The following GRIP1 variants were observed in gnomAD, a reference collection of about 807,000 sequenced individuals.
GRIP1 encodes the protein glutamate receptor-interacting protein 1.
GRIP1 carries 45 observed loss-of-function variants against 129.9 expected under a neutral mutation model. The observed-to-expected ratio is 0.35, with a 90% CI of 0.27 to 0.44. The LOEUF (loss-of-function observed/expected upper bound fraction) is 0.44. GRIP1 is among the 20% of genes least tolerant of loss of function. The probability of loss-of-function intolerance (pLI) is 1.00; values close to 1 mark genes in which losing one functional copy is unlikely to be tolerated. For missense variants in GRIP1, 1,196 were observed against 1,396.8 expected (o/e 0.86, Z 2.29); for synonymous variants, 530 against 520.8 (o/e 1.02, Z -0.24).
At chr12:66,402,487 G>A (rs574574794) in intron 16 of GRIP1, among the ~76,000 whole-genome samples, 2 of 152,282 alleles carry the variant, frequency 1.3e-5, no homozygotes, top group Admixed American at 1.3e-4. Flanking sequence ...CGAGACTTGG[G>A]AAGCTGGAAG....
In GRIP1 at chr12:66,392,690, C is replaced by A; in HGVS notation, c.2256G>T (p.Lys752Asn). 1 of 1,614,108 alleles carries A rather than the reference C, an allele frequency of 6.2e-7. No individual in the cohort carries two copies. Among genetic ancestry groups the A allele is most frequent in the Non-Finnish European group, 8.5e-7 (1 of 1,179,990 alleles). Residue 752 changes from lysine (K) to asparagine (N), a missense_variant, in exon 18 of 25, where the codon AAG (lysine) becomes AAT (asparagine). By Grantham distance (94) the Lys-to-Asn change is moderately conservative (BLOSUM62 0). This residue lies in a region of GRIP1 where 427 missense variants were observed against 463.3 expected (regional missense o/e 0.92). Coordinates refer to ENST00000359742, the MANE Select transcript of GRIP1 (RefSeq NM_001366722.1). Reference protein sequence around the residue: ...MAGETVTLKIKKQTDAQSASS... With the variant: ...MAGETVTLKINKQTDAQSASS... ...TTCACTACTCACCATCTGTCTGTTT[C>A]TTAATTTTCAAGGTGACAGTCTCTC...
chr12:66,574,536 A>G (rs2063073042), intron 2 of GRIP1, among the ~76,000 whole-genome samples: 1 of 152,224 alleles, frequency 6.6e-6, no homozygotes, highest in Non-Finnish European at 1.5e-5. Flanking sequence ...GACATGGCCT[A>G]CAGGTCTACC....
intron 1 of GRIP1, among the ~76,000 whole-genome samples, chr12:66,971,610 G>C (rs962615293): frequency 5.9e-5 from 9 of 152,286 alleles, no homozygotes; most frequent in South Asian, 2.1e-4. Context: ...TTATATTCTA[G>C]TGAGGGAGAC....
intron 1 of GRIP1, among the ~76,000 whole-genome samples, chr12:67,036,573 T>C (rs811800): frequency 0.68 from 103,123 of 151,924 alleles, 35,354 homozygotes; most frequent in East Asian, 0.86. Flanking sequence ...TCAAGTGATC[T>C]GCCTGCCTCT....
At chr12:66,362,295 G>C (rs1252156162) in intron 23 of GRIP1, among the ~76,000 whole-genome samples, 2 of 151,412 alleles carry the variant, frequency 1.3e-5, no homozygotes, top group Admixed American at 6.6e-5. Flanking sequence ...CTGGGATTAC[G>C]GGCCTGCACC....
At chr12:66,804,119 G>A (rs2038934005) in exon 1 of GRIP1, 1 of 455,712 alleles carries the variant, frequency 2.2e-6, no homozygotes, top group East Asian at 6.9e-5. Context: ...TCTTCTGGTC[G>A]GTACTTTTTC....
At chr12:67,042,267 T>C (rs1322909401) in intron 1 of GRIP1, among the ~76,000 whole-genome samples, 6 of 152,156 alleles carry the variant, frequency 3.9e-5, no homozygotes, top group Admixed American at 3.9e-4. Flanking sequence ...GATTCTGTCA[T>C]AGCAACAGAA....
At chr12:66,767,867 T>C (rs11176419) in intron 1 of GRIP1, among the ~76,000 whole-genome samples, 12,377 of 152,234 alleles carry the variant, frequency 0.081, 640 homozygotes, top group Admixed American at 0.16. Flanking sequence ...GTTCTTCCCC[T>C]TTTGAACAAC....
chr12:66,817,579 T>C (rs980273252), intron 1 of GRIP1, among the ~76,000 whole-genome samples: 8 of 151,768 alleles, frequency 5.3e-5, no homozygotes, highest in African/African-American at 1.9e-4. Context: ...CTGGCTAATT[T>C]TGTATTTTTA....
chr12:66,723,304 C>CTT (rs57938064), intron 1 of GRIP1, among the ~76,000 whole-genome samples: 9 of 58,408 alleles, frequency 1.5e-4, no homozygotes, highest in East Asian at 6.0e-4. Context: ...TTCTTTCTTT[C>CTT]TTTTTTTTTT....
chr12:66,824,735 C>T (rs1223219085), intron 1 of GRIP1, among the ~76,000 whole-genome samples: 1 of 152,032 alleles, frequency 6.6e-6, no homozygotes, highest in Non-Finnish European at 1.5e-5. Flanking sequence ...TTTCATAGTT[C>T]AGAGCAGAAA....
chr12:67,057,671 T>TG lies in GRIP1; in HGVS notation c.58+11378dup, dbSNP rs759043404. Among the ~76,000 whole-genome samples, 14 of 152,262 alleles carry TG rather than the reference T, an allele frequency of 9.2e-5. No individual in the cohort carries two copies. The East Asian group carries it at 9.6e-4, about 10-fold the overall frequency. ...ACAACAAAACAGGGCTACCCTTTGG[T>TG]GGCAAGTATCTTATATGTATATCAG... On this transcript the variant is annotated intron_variant, in intron 1 of 1. Coordinates refer to the GRIP1 transcript ENST00000643019.
chr12:66,618,679 T>C lies in GRIP1; in HGVS notation c.56-21752A>G, dbSNP rs142360223. Among the ~76,000 whole-genome samples the C allele has an allele frequency of 5.7e-4, 87 of 152,268 alleles. 1 individual carries two copies. In the East Asian group the frequency reaches 0.016, roughly 29 times the overall value. ...TCTAGTAAATATAAAAAGATTAACA[T>C]TGAAAGACATTTTATTAATACATGT... On this transcript the variant is annotated intron_variant, in intron 1 of 24. Coordinates refer to ENST00000359742, the MANE Select transcript of GRIP1 (RefSeq NM_001366722.1).
chr12:66,616,969 C>A lies in GRIP1; in HGVS notation c.56-20042G>T, dbSNP rs11176324. Among the ~76,000 whole-genome samples the A allele has an allele frequency of 9.8e-3, 1,496 of 152,068 alleles. 48 individuals are homozygous for A. The highest frequency in any genetic ancestry group is 0.08 in the East Asian group (413 of 5,134). On this transcript the variant is annotated intron_variant, in intron 1 of 24. Transcript: ENST00000359742. ...TAGAATAAATCACAAGGGCCTCGGG[C>A]GTGCAGATGCATGCTCTGAAAGGTC...
intron 1 of GRIP1, among the ~76,000 whole-genome samples, chr12:66,929,429 C>T (rs1337766926): frequency 6.6e-6 from 1 of 152,170 alleles, no homozygotes; most frequent in Non-Finnish European, 1.5e-5. Context: ...TATTCATTCC[C>T]CTGTATATTG....
intron 1 of GRIP1, among the ~76,000 whole-genome samples, chr12:67,021,799 C>G (rs976557112): frequency 3.3e-5 from 5 of 152,102 alleles, no homozygotes; most frequent in African/African-American, 1.2e-4. Flanking sequence ...CTCTCCCTAT[C>G]CCCCCATTCC....
At chr12:66,595,406 T>C (rs1396075275) in intron 2 of GRIP1, among the ~76,000 whole-genome samples, 1 of 152,146 alleles carries the variant, frequency 6.6e-6, no homozygotes, top group Non-Finnish European at 1.5e-5. Context: ...AAAGAAAACA[T>C]TGATAATAGC....
At chr12:66,393,261 C>T (rs1317821617) in intron 17 of GRIP1, among the ~76,000 whole-genome samples, 1 of 147,478 alleles carries the variant, frequency 6.8e-6, no homozygotes, top group African/African-American at 2.5e-5. Flanking sequence ...TCACTGCAAC[C>T]TCCGCATCCC....
chr12:67,006,724 G>C (rs2042633048), intron 1 of GRIP1, among the ~76,000 whole-genome samples: 1 of 152,218 alleles, frequency 6.6e-6, no homozygotes, highest in African/African-American at 2.4e-5. Context: ...AGGGATGGAG[G>C]AAATAATTTG....
Sources: allele counts gnomAD v4.1 joint callset (sites outside exome capture counted in the v4.1 genomes callset), GRCh38; gene constraint gnomAD v4.1.1; regional missense constraint gnomAD v4.1.1; transcripts MANE v1.5; gene names NCBI Gene and HGNC (gene_info 2026-07-23, HGNC 2026-07-21).